SV2B: variants seen among roughly 807,000 people sequenced by gnomAD.
SV2B encodes the protein synaptic vesicle glycoprotein 2B.
In SV2B, 41 loss-of-function variants were observed where a neutral mutation model predicts 73.9. The observed-to-expected ratio is 0.56, with a 90% CI of 0.43 to 0.72. The LOEUF (loss-of-function observed/expected upper bound fraction) is 0.72. Ranked by LOEUF, SV2B falls within the 30% of genes least tolerant of loss-of-function variation. The pLI, the probability that SV2B is intolerant of heterozygous loss-of-function variation, is 0.00. For missense variants in SV2B, 764 were observed against 857.8 expected (o/e 0.89, Z 1.37); for synonymous variants, 314 against 314.2 (o/e 1.00, Z 0.01).
chr15:91,215,406 A>G (rs1016665652), intron 1 of SV2B, among the ~76,000 whole-genome samples: 5 of 152,172 alleles, frequency 3.3e-5, no homozygotes, highest in African/African-American at 4.8e-5. Flanking sequence ...GCATTTAGCT[A>G]ACACCAGGTG....
chr15:91,191,059 G>GTTTTTTTTTTTTT (rs1161482690), intron 1 of SV2B, among the ~76,000 whole-genome samples: 1 of 59,732 alleles, frequency 1.7e-5, no homozygotes, highest in Non-Finnish European at 3.5e-5. Flanking sequence ...TTTTTTTGGT[G>GTTTTTTTTTTTTT]TTTCTTTTTT....
Position 91,261,872 on chromosome 15 carries a change from C to A in SV2B, c.1008+1463C>A, listed in dbSNP as rs577212103. 6.8e-4 allele frequency among the ~76,000 whole-genome samples: 103 copies of A among 152,328 alleles called. No individual in the cohort carries two copies. The highest frequency in any genetic ancestry group is 2.4e-3 in the African/African-American group (98 of 41,568). ...AGACGCTGTCTTCCTGCCTGCCATGCTCTGACAAACCAGGAGGCTATAGGC... is the reference window on the plus strand; with the variant it reads ...AGACGCTGTCTTCCTGCCTGCCATGATCTGACAAACCAGGAGGCTATAGGC... On this transcript the variant is annotated intron_variant, in intron 6 of 12. Transcript: ENST00000394232. This position sits in a 1 kb window ranked among gnomAD's most constrained non-coding sequence, Gnocchi z 4.7.
intron 1 of SV2B, among the ~76,000 whole-genome samples, chr15:91,144,867 G>C (rs72764741): frequency 0.089 from 13,090 of 147,584 alleles, 737 homozygotes; most frequent in Middle Eastern, 0.13. Context: ...GAAGGTTGCT[G>C]TTTTCCTTAA....
intron 1 of SV2B, among the ~76,000 whole-genome samples, chr15:91,101,247 G>A (rs529539726): frequency 2.8e-4 from 42 of 152,198 alleles, no homozygotes; most frequent in African/African-American, 8.9e-4. Flanking sequence ...TGAGGGGTAA[G>A]GAGGGTGCAT....
chr15:91,187,418 C>T (rs1455452179), intron 1 of SV2B, among the ~76,000 whole-genome samples: 2 of 152,172 alleles, frequency 1.3e-5, no homozygotes, highest in Non-Finnish European at 2.9e-5. Context: ...AGCTTGCTTA[C>T]CAGCATGTGA....
intron 1 of SV2B, among the ~76,000 whole-genome samples, chr15:91,200,199 G>A (rs1191530938): frequency 6.6e-6 from 1 of 152,164 alleles, no homozygotes; most frequent in Non-Finnish European, 1.5e-5. Context: ...CTTTAATTTT[G>A]AGTTTGGTCT....
At chr15:91,221,693 G>GCGCGCGCACACACACACA (rs370290337) in intron 1 of SV2B, among the ~76,000 whole-genome samples, 57 of 140,158 alleles carry the variant, frequency 4.1e-4, no homozygotes, top group African/African-American at 1.4e-3. Flanking sequence ...AAGCATGTGC[G>GCGCGCGCACACACACACA]CACACACACA....
At chr15:91,126,717 C>G (rs1235830564) in intron 1 of SV2B, among the ~76,000 whole-genome samples, 1 of 152,274 alleles carries the variant, frequency 6.6e-6, no homozygotes, top group Non-Finnish European at 1.5e-5. Context: ...AAAAGTCAAT[C>G]AATGTAATAT....
At chr15:91,173,064 A>C (rs1292182800) in intron 1 of SV2B, among the ~76,000 whole-genome samples, 1 of 152,116 alleles carries the variant, frequency 6.6e-6, no homozygotes, top group Non-Finnish European at 1.5e-5. Flanking sequence ...TTTTGGAGGA[A>C]AGGAGGCACT....
Position 91,187,911 on chromosome 15 carries a change from T to C in SV2B, c.-391-37962T>C, listed in dbSNP as rs552215470. On this transcript the variant is annotated intron_variant, in intron 1 of 12. Coordinates refer to ENST00000394232, the MANE Select transcript of SV2B (RefSeq NM_001323032.3). ...GAAATAGGCTAGCTTTGATTCGTTTTATTTGGGTTTAATTTCAAGTACAAT... is the reference window on the plus strand; with the variant it reads ...GAAATAGGCTAGCTTTGATTCGTTTCATTTGGGTTTAATTTCAAGTACAAT... 2.6e-5 allele frequency among the ~76,000 whole-genome samples: 4 copies of C among 152,274 alleles called. No homozygotes were observed. The South Asian group carries it at 6.2e-4, about 24-fold the overall frequency.
At chr15:91,188,975 C>T (rs2044892399) in intron 1 of SV2B, among the ~76,000 whole-genome samples, 3 of 152,088 alleles carry the variant, frequency 2.0e-5, no homozygotes, top group African/African-American at 7.2e-5. Context: ...TACAGGTGCA[C>T]ACCACCATGC....
At chr15:91,193,261 C>T (rs918486617) in intron 1 of SV2B, among the ~76,000 whole-genome samples, 2 of 152,178 alleles carry the variant, frequency 1.3e-5, no homozygotes, top group Non-Finnish European at 2.9e-5. Context: ...TTTACCACAC[C>T]TGCCTGTTGC....
intron 1 of SV2B, among the ~76,000 whole-genome samples, chr15:91,119,619 T>C (rs765438896): frequency 5.3e-5 from 8 of 152,236 alleles, no homozygotes; most frequent in Non-Finnish European, 1.0e-4. Flanking sequence ...TGAATACAAT[T>C]TGGAAAATAG....
Position 91,290,777 on chromosome 15 carries a change from G to A in SV2B, c.1868+1097G>A, listed in dbSNP as rs898533775. On this transcript the variant is annotated intron_variant, in intron 12 of 12. Transcript: ENST00000394232. This position sits in a 1 kb window ranked among gnomAD's most constrained non-coding sequence, Gnocchi z 4.7. ...TGCCAACTCAGTGATTTGGGAGGCC[G>A]AGGCAAAAGGATTGCTTGAAGGCTG... Among the ~76,000 whole-genome samples the A allele has an allele frequency of 2.0e-5, 3 of 152,026 alleles. No homozygotes were observed. The highest frequency in any genetic ancestry group is 2.4e-5 in the African/African-American group (1 of 41,388).
chr15:91,169,936 T>C (rs2044061461), intron 1 of SV2B, among the ~76,000 whole-genome samples: 1 of 152,208 alleles, frequency 6.6e-6, no homozygotes, highest in African/African-American at 2.4e-5. Context: ...CAAATAAGAC[T>C]GCAAAAGCAA....
Position 91,242,634 on chromosome 15 carries a change from G to A in SV2B, c.452-9185G>A, listed in dbSNP as rs189155442. ...GAGCAGTGTGAAGACTCTGAGGTGG[G>A]AGAGAGCATAGGACATCAGTATCCA... is the stretch of plus-strand genomic sequence containing the variant. On this transcript the variant is annotated intron_variant, in intron 2 of 12. Coordinates refer to ENST00000394232, the MANE Select transcript of SV2B (RefSeq NM_001323032.3). The surrounding 1 kb of genome is among the most constrained non-coding windows in gnomAD (Gnocchi z 4.9). 1.0e-3 allele frequency among the ~76,000 whole-genome samples: 156 copies of A among 152,334 alleles called. No homozygotes were observed. Among genetic ancestry groups the A allele is most frequent in the African/African-American group, 3.6e-3 (149 of 41,576 alleles).
chr15:91,147,234 G>A lies in SV2B; in HGVS notation c.-392+46871G>A, dbSNP rs192152667. On this transcript the variant is annotated intron_variant, in intron 1 of 12. Transcript: ENST00000394232. ...AATTTCTCAACCATGTTGGCAGAGT[G>A]TTGGCTTGCCAGTCCTCAAAGCCTA... Among the ~76,000 whole-genome samples, 243 of 152,370 alleles carry A rather than the reference G, an allele frequency of 1.6e-3. 1 individual carries two copies. Among genetic ancestry groups the A allele is most frequent in the African/African-American group, 5.6e-3 (231 of 41,586 alleles).
chr15:91,285,234 A>G (rs908147273), intron 11 of SV2B, among the ~76,000 whole-genome samples: 11 of 152,218 alleles, frequency 7.2e-5, no homozygotes, highest in African/African-American at 2.4e-4. Context: ...TCAGCGTGGT[A>G]AGCGTGAGAA....
chr15:91,282,849 C>G (rs2048726750), intron 10 of SV2B, among the ~76,000 whole-genome samples: 1 of 152,224 alleles, frequency 6.6e-6, no homozygotes, highest in African/African-American at 2.4e-5. Flanking sequence ...CATTCTGGCA[C>G]TAACCTTCCT....
Sources: allele counts gnomAD v4.1 joint callset (sites outside exome capture counted in the v4.1 genomes callset), GRCh38; gene constraint gnomAD v4.1.1; non-coding constraint Gnocchi (gnomAD v3.1); transcripts MANE v1.5; gene names NCBI Gene and HGNC (gene_info 2026-07-23, HGNC 2026-07-21).